The following ADCY2 variants were observed in gnomAD, a reference collection of about 807,000 sequenced individuals.
The protein encoded by ADCY2 is adenylate cyclase type 2.
A neutral mutation model predicts 125.2 loss-of-function variants in ADCY2; 31 were observed. The ratio of observed to expected loss-of-function variants is 0.25; its 90% CI spans 0.19 to 0.33. The LOEUF (loss-of-function observed/expected upper bound fraction) is 0.33, where lower values mean the gene tolerates loss of function less well. ADCY2 is among the 10% of genes least tolerant of loss of function. ADCY2 has a pLI of 1.00. For synonymous variants in ADCY2, 512 were observed against 548.4 expected (o/e 0.93, Z 0.93); for missense variants, 904 against 1,418.2 (o/e 0.64, Z 5.82).
chr5:7,712,038 A>G (rs1339855616), intron 10 of ADCY2, among the ~76,000 whole-genome samples: 1 of 152,190 alleles, frequency 6.6e-6, no homozygotes, highest in African/African-American at 2.4e-5. Flanking sequence ...TTCAACATTG[A>G]TAGAGCTCTT....
chr5:7,689,313 C>G (rs1254618703), intron 4 of ADCY2, among the ~76,000 whole-genome samples: 1 of 151,862 alleles, frequency 6.6e-6, no homozygotes, highest in Non-Finnish European at 1.5e-5. Flanking sequence ...GTCTCTGCAG[C>G]CTTCTTTAAT....
Position 7,739,444 on chromosome 5 carries a change from A to T in ADCY2, c.1872-4224A>T, listed in dbSNP as rs889393782. On this transcript the variant is annotated intron_variant, in intron 14 of 24. Transcript: ENST00000338316. ...ATTTAGGGGGGAATTTGTAGCTTTA[A>T]AATGCTTTAAAATTAGAAAAGAGGA... Among the ~76,000 whole-genome samples the T allele has an allele frequency of 5.8e-4, 88 of 152,028 alleles. 1 individual carries two copies. Among genetic ancestry groups the T allele is most frequent in the African/African-American group, 2.0e-3 (83 of 41,570 alleles).
intron 4 of ADCY2, among the ~76,000 whole-genome samples, chr5:7,641,058 G>A (rs770862331): frequency 5.3e-5 from 8 of 152,166 alleles, no homozygotes; most frequent in Non-Finnish European, 1.2e-4. Flanking sequence ...TGTCTTGCCT[G>A]CCACTCTATG....
chr5:7,582,103 C>T (rs1430453416), intron 3 of ADCY2, among the ~76,000 whole-genome samples: 2 of 152,100 alleles, frequency 1.3e-5, no homozygotes, highest in East Asian at 3.9e-4. Context: ...CAAACAGGCA[C>T]TGTAAGGTTG....
At chr5:7,645,375 C>G (rs954653558) in intron 4 of ADCY2, among the ~76,000 whole-genome samples, 1 of 152,130 alleles carries the variant, frequency 6.6e-6, no homozygotes, top group African/African-American at 2.4e-5. Flanking sequence ...GCATTTGCAC[C>G]TTCAAAGTCC....
At chr5:7,778,061 T>C (rs1743797062) in intron 18 of ADCY2, among the ~76,000 whole-genome samples, 1 of 152,300 alleles carries the variant, frequency 6.6e-6, no homozygotes, top group Middle Eastern at 3.4e-3. Flanking sequence ...TCAATAATGG[T>C]TGTGGTTCCT....
chr5:7,562,435 A>G (rs1225715592), intron 3 of ADCY2, among the ~76,000 whole-genome samples: 2 of 152,136 alleles, frequency 1.3e-5, no homozygotes, highest in Non-Finnish European at 2.9e-5. Flanking sequence ...TATCTTCAGT[A>G]TGATCTTTGT....
In ADCY2 at chr5:7,396,563, C is replaced by T. The variant is rs1355448846; in HGVS notation, c.210+57C>T. Reference sequence around the variant, plus strand: ...GCCTTCCCCGGCCCTGAGAGGAGCCCGGCCAGCCGAGCCGCGTCCCGCTCC... The same window carrying T: ...GCCTTCCCCGGCCCTGAGAGGAGCCTGGCCAGCCGAGCCGCGTCCCGCTCC... On this transcript the variant is annotated intron_variant, in intron 1 of 24. Transcript: ENST00000338316. This position sits in a 1 kb window ranked among gnomAD's most constrained non-coding sequence, Gnocchi z 5.7. The T allele has an allele frequency of 6.9e-7, 1 of 1,449,590 alleles. No homozygotes were observed. Among genetic ancestry groups the T allele is most frequent in the South Asian group, 1.3e-5 (1 of 77,862 alleles). 89.8% of individuals were successfully genotyped at this position (1,449,590 alleles called of 1,614,324 possible).
intron 1 of ADCY2, among the ~76,000 whole-genome samples, chr5:7,399,077 A>G (rs536403888): frequency 6.6e-6 from 1 of 152,354 alleles, no homozygotes; most frequent in African/African-American, 2.4e-5. Flanking sequence ...GGACCCTGCC[A>G]AGGTTTCCAT....
intron 2 of ADCY2, among the ~76,000 whole-genome samples, chr5:7,443,683 A>T (rs1741106732): frequency 1.4e-5 from 2 of 145,008 alleles, no homozygotes; most frequent in Non-Finnish European, 3.0e-5. Flanking sequence ...TACGTATGTG[A>T]GCACGTACAC....
At chr5:7,434,233 G>T (rs1194642282) in intron 2 of ADCY2, among the ~76,000 whole-genome samples, 2 of 152,168 alleles carry the variant, frequency 1.3e-5, no homozygotes, top group African/African-American at 2.4e-5. Context: ...TGTCAGCATT[G>T]TCTATTATAG....
At chr5:7,811,266 G>C (rs575505091) in intron 22 of ADCY2, among the ~76,000 whole-genome samples, 1 of 152,232 alleles carries the variant, frequency 6.6e-6, no homozygotes, top group South Asian at 2.1e-4. Flanking sequence ...ATTTTGAGGG[G>C]CCAAGGCGGG....
intron 13 of ADCY2, 145 bp downstream of exon 13, chr5:7,724,759 T>G: frequency 1.5e-6 from 1 of 645,358 alleles, no homozygotes; most frequent in Admixed American, 3.2e-5. Context: ...TGGTGGTTCT[T>G]TCATGCATAT....
At chr5:7,639,625 G>T (rs1738625131) in intron 4 of ADCY2, among the ~76,000 whole-genome samples, 1 of 152,130 alleles carries the variant, frequency 6.6e-6, no homozygotes, top group South Asian at 2.1e-4. Context: ...TTTCTAAATT[G>T]TATGCAGGTT....
chr5:7,707,366 T>G (rs1241269820), intron 8 of ADCY2, among the ~76,000 whole-genome samples: 1 of 152,154 alleles, frequency 6.6e-6, no homozygotes, highest in Non-Finnish European at 1.5e-5. Flanking sequence ...AGAAAGAAAG[T>G]CTACATTATT....
intron 1 of ADCY2, among the ~76,000 whole-genome samples, chr5:7,400,272 A>G (rs1293973677): frequency 6.6e-6 from 1 of 152,234 alleles, no homozygotes; most frequent in Non-Finnish European, 1.5e-5. Flanking sequence ...AAATAAGAGT[A>G]TGCACTTTTA....
At chr5:7,674,962 T>C (rs973445920) in intron 4 of ADCY2, among the ~76,000 whole-genome samples, 3 of 152,142 alleles carry the variant, frequency 2.0e-5, no homozygotes, top group Non-Finnish European at 4.4e-5. Flanking sequence ...GAGACCATCC[T>C]GGCTAACATG....
intron 3 of ADCY2, among the ~76,000 whole-genome samples, chr5:7,528,495 C>T (rs140694602): frequency 1.2e-4 from 19 of 152,116 alleles, no homozygotes; most frequent in African/African-American, 2.9e-4. Flanking sequence ...AACAGAGGTA[C>T]AGGGAAGCCC....
chr5:7,431,323 A>G (rs552466925), intron 2 of ADCY2, among the ~76,000 whole-genome samples: 53 of 152,322 alleles, frequency 3.5e-4, no homozygotes, highest in Non-Finnish European at 6.6e-4. Flanking sequence ...ATAGTTGCTG[A>G]AAGAAAAGAC....
Sources: allele counts gnomAD v4.1 joint callset (sites outside exome capture counted in the v4.1 genomes callset), GRCh38; gene constraint gnomAD v4.1.1; non-coding constraint Gnocchi (gnomAD v3.1); transcripts MANE v1.5; gene names NCBI Gene and HGNC (gene_info 2026-07-23, HGNC 2026-07-21).